The following PLA2G6 variants were observed in gnomAD, a reference collection of about 807,000 sequenced individuals.
PLA2G6 encodes 85/88 kDa calcium-independent phospholipase A2.
A neutral mutation model predicts 83.8 loss-of-function variants in PLA2G6; 62 were observed. The ratio of observed to expected loss-of-function variants is 0.74; its 90% CI spans 0.60 to 0.91. The LOEUF (loss-of-function observed/expected upper bound fraction) is 0.91. Ranked by LOEUF, PLA2G6 falls within the 40% of genes least tolerant of loss-of-function variation. The probability of loss-of-function intolerance (pLI) is 0.00; values close to 1 mark genes in which losing one functional copy is unlikely to be tolerated. For missense variants in PLA2G6, 944 were observed against 1,102.0 expected (o/e 0.86, Z 2.03); for synonymous variants, 417 against 449.8 (o/e 0.93, Z 0.92).
chr22:38,115,907 G>A, intron 13 of PLA2G6, 168 bp downstream of exon 13: 1 of 1,456,624 alleles, frequency 6.9e-7, no homozygotes, highest in Non-Finnish European at 9.2e-7. Flanking sequence ...CCTGCCAGGG[G>A]CCTGACAGCT....
Position 38,132,353 on chromosome 22 carries a change from C to T in PLA2G6, c.1077+478G>A, listed in dbSNP as rs749802361. The T allele has an allele frequency of 1.2e-4, 38 of 322,228 alleles. 1 individual carries two copies. The highest frequency in any genetic ancestry group is 6.4e-4 in the South Asian group (26 of 40,822). 20.0% of individuals were successfully genotyped at this position (322,228 alleles called of 1,614,324 possible). ...TCCCAGGGAAGATGAGAGCAACACG[C>T]GGACCAGTGAAGGGAAGCAGGATGC... On this transcript the variant is annotated intron_variant, in intron 7 of 16. Transcript: ENST00000332509. The surrounding 1 kb of genome is among the most constrained non-coding windows in gnomAD (Gnocchi z 5.0).
At chr22:38,114,089 G>A (rs1316884113) in intron 14 of PLA2G6, among the ~76,000 whole-genome samples, 6 of 152,182 alleles carry the variant, frequency 3.9e-5, no homozygotes, top group Non-Finnish European at 7.3e-5. Flanking sequence ...GCAAATGAGG[G>A]CTCTCAGCGA....
In PLA2G6 at chr22:38,150,948, G is replaced by A. The variant is rs150137996; in HGVS notation, c.210-5295C>T. Among the ~76,000 whole-genome samples the A allele has an allele frequency of 9.2e-3, 1,407 of 152,214 alleles. 25 individuals are homozygous for A. The highest frequency in any genetic ancestry group is 0.032 in the African/African-American group (1,312 of 41,526). On this transcript the variant is annotated intron_variant, in intron 2 of 16. Coordinates refer to ENST00000332509, the MANE Select transcript of PLA2G6 (RefSeq NM_003560.4). ...CTAAAAATACAAAAATTAGTCAGGT[G>A]TAGTGGTGCATGCCTGTAGCCCCAG... is the stretch of plus-strand genomic sequence containing the variant.
intron 1 of PLA2G6, among the ~76,000 whole-genome samples, chr22:38,179,391 C>T (rs773823729): frequency 3.9e-5 from 6 of 152,138 alleles, no homozygotes; most frequent in Non-Finnish European, 8.8e-5. Flanking sequence ...GAACAATACT[C>T]CTATGTCCTA....
rs1166238427 is a variant in PLA2G6, at chr22:38,143,180, C to T, written c.534G>A (p.Gln178=). The part of the protein sequence containing the change: ...LVELVQYCHT[Q]MDVTDYKGET... ...CTCCCTTGTAGTCGGTGACATCCAT[C>T]TGAGTGTGGCAGTACTGCACCAGCT... Residue 178 remains glutamine, a synonymous_variant, in exon 4 of 17, where the codon CAG becomes CAA. Transcript: ENST00000332509. The T allele has an allele frequency of 6.2e-7, 1 of 1,614,206 alleles. No individual in the cohort carries two copies. The highest frequency in any genetic ancestry group is 1.3e-5 in the African/African-American group (1 of 75,052).
chr22:38,178,927 A>G (rs2090739742), intron 1 of PLA2G6, among the ~76,000 whole-genome samples: 1 of 152,196 alleles, frequency 6.6e-6, no homozygotes. Context: ...CCTGGAACTT[A>G]TATTTTAGAC....
At chr22:38,122,751 TG>T (rs1291040413) in intron 11 of PLA2G6, among the ~76,000 whole-genome samples, 1 of 152,184 alleles carries the variant, frequency 6.6e-6, no homozygotes, top group Non-Finnish European at 1.5e-5. Flanking sequence ...GGATTCCTTA[TG>T]TGCAGCAGGC....
chr22:38,132,682 T>G lies in PLA2G6; in HGVS notation c.1077+149A>C. On this transcript the variant is annotated intron_variant, in intron 7 of 16. Transcript: ENST00000332509. The surrounding 1 kb of genome is among the most constrained non-coding windows in gnomAD (Gnocchi z 5.0). ...CTTGGAAGGCTTCCTGAGGGAGGAG[T>G]CAGGGTCTGAACTGAGCTTTGGGTG... The G allele has an allele frequency of 8.5e-6, 6 of 703,970 alleles. No individual in the cohort carries two copies. The highest frequency in any genetic ancestry group is 2.8e-5 in the East Asian group (1 of 35,954). 43.6% of individuals were successfully genotyped at this position (703,970 alleles called of 1,614,324 possible).
chr22:38,179,646 GA>G (rs1212115770), intron 1 of PLA2G6, among the ~76,000 whole-genome samples: 1 of 152,188 alleles, frequency 6.6e-6, no homozygotes, highest in Non-Finnish European at 1.5e-5. Flanking sequence ...AGTTGGGCAT[GA>G]TGGCGCATGC....
In PLA2G6 at chr22:38,112,388, G is replaced by A. The variant is rs936682716; in HGVS notation, c.2277-83C>T. ...CCAGCTAGGACCAGGGTGGGCTTGGGGAACAGAGCAGACCCTTGGGGAAGG... is the reference window on the plus strand; with the variant it reads ...CCAGCTAGGACCAGGGTGGGCTTGGAGAACAGAGCAGACCCTTGGGGAAGG... On this transcript the variant is annotated intron_variant, in intron 16 of 16. Coordinates refer to ENST00000332509, the MANE Select transcript of PLA2G6 (RefSeq NM_003560.4). 4.5e-6 allele frequency: 7 copies of A among 1,551,188 alleles called. No homozygotes were observed. In the African/African-American group the frequency reaches 8.2e-5, roughly 18 times the overall value.
intron 5 of PLA2G6, chr22:38,137,123 C>T (rs1393572311): frequency 6.6e-6 from 1 of 152,290 alleles, no homozygotes; most frequent in African/African-American, 2.4e-5. Flanking sequence ...GTGGCTGGGA[C>T]AGCGTTAGTG....
intron 2 of PLA2G6, among the ~76,000 whole-genome samples, chr22:38,153,740 C>T (rs763022304): frequency 3.3e-5 from 5 of 151,982 alleles, no homozygotes; most frequent in Non-Finnish European, 7.4e-5. Context: ...TCATAAAAAG[C>T]AAAAATCAGC....
rs11570693 is a variant in PLA2G6 at position 38,129,623 on chromosome 22, C to A, written c.1078-61G>T. On this transcript the variant is annotated intron_variant, in intron 7 of 16. Coordinates refer to ENST00000332509, the MANE Select transcript of PLA2G6 (RefSeq NM_003560.4). Reference sequence around the variant, plus strand: ...GCCGGGGAAGTGAAGAACAAAGGGGCCCCTGGCTGCCAGCCCCAACCTGTC... The same window carrying A: ...GCCGGGGAAGTGAAGAACAAAGGGGACCCTGGCTGCCAGCCCCAACCTGTC... 490 of 1,291,936 alleles carry A rather than the reference C, an allele frequency of 3.8e-4. 1 individual carries two copies. In the African/African-American group the frequency reaches 5.7e-3, roughly 15 times the overall value. 80.0% of individuals were successfully genotyped at this position (1,291,936 alleles called of 1,614,324 possible).
chr22:38,157,549 C>A (rs1417295603), intron 2 of PLA2G6, among the ~76,000 whole-genome samples: 3 of 152,128 alleles, frequency 2.0e-5, no homozygotes, highest in Admixed American at 6.6e-5. Flanking sequence ...CTAATACCAA[C>A]CCTACTCAAA....
intron 1 of PLA2G6, among the ~76,000 whole-genome samples, chr22:38,169,910 A>G (rs948757526): frequency 1.1e-4 from 16 of 152,328 alleles, no homozygotes; most frequent in African/African-American, 3.6e-4. Flanking sequence ...CAAAGAGGCT[A>G]GTATGGACCA....
intron 1 of PLA2G6, among the ~76,000 whole-genome samples, chr22:38,172,035 C>A (rs975987915): frequency 6.6e-6 from 1 of 152,072 alleles, no homozygotes. Context: ...TCACTTTAAA[C>A]ACATCTGTAC....
chr22:38,132,616 C>T lies in PLA2G6; in HGVS notation c.1077+215G>A. ...GGGGGCACAGGTGGAAAAGGTACCACAGCACACAGGAGGTGGTGTTATTTT... is the reference window on the plus strand; with the variant it reads ...GGGGGCACAGGTGGAAAAGGTACCATAGCACACAGGAGGTGGTGTTATTTT... On this transcript the variant is annotated intron_variant, in intron 7 of 16. Coordinates refer to ENST00000332509, the MANE Select transcript of PLA2G6 (RefSeq NM_003560.4). The surrounding 1 kb of genome is among the most constrained non-coding windows in gnomAD (Gnocchi z 5.0). 1.3e-5 allele frequency: 8 copies of T among 594,276 alleles called. No homozygotes were observed. The highest frequency in any genetic ancestry group is 1.2e-4 in the South Asian group (6 of 50,082). 36.8% of individuals were successfully genotyped at this position (594,276 alleles called of 1,614,324 possible). A position where few individuals can be genotyped will look rare whatever the true frequency, so the allele number is the denominator to read the frequency against.
chr22:38,140,568 A>C (rs1452348604), intron 4 of PLA2G6: 1 of 262,708 alleles, frequency 3.8e-6, no homozygotes, highest in African/African-American at 2.2e-5. Context: ...GATGGGAGGG[A>C]AGGGGTCGAC....
intron 1 of PLA2G6, among the ~76,000 whole-genome samples, chr22:38,178,631 G>C (rs1029420767): frequency 6.6e-6 from 1 of 152,108 alleles, no homozygotes; most frequent in Non-Finnish European, 1.5e-5. Context: ...TTGGGAGGCC[G>C]AGGCGGGTGG....
Sources: gnomAD v4.1 joint callset for allele counts (sites outside exome capture counted in the v4.1 genomes callset) on GRCh38, gnomAD v4.1.1 for gene constraint, Gnocchi (gnomAD v3.1) non-coding constraint, MANE v1.5 for transcripts, NCBI Gene and HGNC (gene_info 2026-07-23, HGNC 2026-07-21) for gene names.